Variants in NTNG2 observed in about 807,000 individuals in gnomAD.
NTNG2 encodes netrin G2, also known as netrin-G2.
A neutral mutation model predicts 47.6 loss-of-function variants in NTNG2; 15 were observed. The ratio of observed to expected loss-of-function variants is 0.32; its 90% CI spans 0.21 to 0.49. NTNG2 has a LOEUF of 0.49. Ranked by LOEUF, NTNG2 falls within the 20% of genes least tolerant of loss-of-function variation. NTNG2 has a pLI of 0.99. For missense variants in NTNG2, 578 were observed against 764.6 expected (o/e 0.76, Z 2.88); for synonymous variants, 307 against 324.6 (o/e 0.95, Z 0.58).
intron 3 of NTNG2, among the ~76,000 whole-genome samples, chr9:132,225,517 G>C (rs1313374312): frequency 6.6e-6 from 1 of 152,114 alleles, no homozygotes; most frequent in Non-Finnish European, 1.5e-5. Context: ...TGATCCTCCT[G>C]CGTCAGCCTC....
chr9:132,240,690 G>T, intron 6 of NTNG2: 3 of 635,768 alleles, frequency 4.7e-6, no homozygotes, highest in Non-Finnish European at 5.4e-6. Flanking sequence ...GGGCTGGGAC[G>T]TGTTTGATCC....
At chr9:132,202,873 G>C (rs995932779) in intron 3 of NTNG2, among the ~76,000 whole-genome samples, 1 of 152,196 alleles carries the variant, frequency 6.6e-6, no homozygotes, top group Non-Finnish European at 1.5e-5. Flanking sequence ...GGAAGCTGCT[G>C]CATCCATGGA....
At position 132,216,412 on chromosome 9, in the gene NTNG2, CTCTG is replaced by C. The variant is rs879413638; in HGVS notation, c.858-10435_858-10432del. 8.9e-3 allele frequency among the ~76,000 whole-genome samples: 814 copies of C among 91,094 alleles called. 7 individuals are homozygous for C. Among genetic ancestry groups the C allele is most frequent in the Middle Eastern group, 0.01 (2 of 192 alleles). The allele number at this position is 91,094 out of a possible 152,430, so 59.8% of individuals were successfully genotyped here. A position where few individuals can be genotyped will look rare whatever the true frequency, so the allele number is the denominator to read the frequency against. ...TCTCTCTCTCTCTCTCTCTCTCTCT[CTCTG>C]TGTGTGTGTGTATGTGTGTGTGTGT... On this transcript the variant is annotated intron_variant, in intron 3 of 7. Transcript: ENST00000393229.
In NTNG2 at chr9:132,219,585, AAAAG is replaced by A. The variant is rs1554791337; in HGVS notation, c.858-7244_858-7241del. 4.0e-3 allele frequency among the ~76,000 whole-genome samples: 593 copies of A among 146,574 alleles called. 41 individuals are homozygous for A. The highest frequency in any genetic ancestry group is 7.3e-3 in the Middle Eastern group (2 of 274). On this transcript the variant is annotated intron_variant, in intron 3 of 7. Transcript: ENST00000393229. Reference sequence around the variant, plus strand: ...AAGACTCTGTCTCAAAAAAAAAAAAAAAAGAAAGAAAGAAAGAAAGAAATTATAC... The same window carrying A: ...AAGACTCTGTCTCAAAAAAAAAAAAAAAAGAAAGAAAGAAAGAAATTATAC...
chr9:132,184,822 T>C (rs566558960), intron 2 of NTNG2, among the ~76,000 whole-genome samples: 10 of 152,286 alleles, frequency 6.6e-5, no homozygotes, highest in Admixed American at 2.0e-4. Context: ...CTTGGGAGGC[T>C]GAGGTAGGAG....
At chr9:132,239,030 C>A in intron 5 of NTNG2, 74 bp from the exon 6 acceptor site, 1 of 1,480,898 alleles carries the variant, frequency 6.8e-7, no homozygotes, top group Non-Finnish European at 9.4e-7. Context: ...TGGGGTGAGT[C>A]CTTCCTCGCC....
rs191722166 is a variant in NTNG2 at position 132,182,349 on chromosome 9, C to T, written c.213+15305C>T. Among the ~76,000 whole-genome samples the T allele has an allele frequency of 3.3e-5, 5 of 152,280 alleles. No individual in the cohort carries two copies. Among genetic ancestry groups the T allele is most frequent in the Non-Finnish European group, 5.9e-5 (4 of 68,014 alleles). On this transcript the variant is annotated intron_variant, in intron 2 of 7. Transcript: ENST00000393229. This position sits in a 1 kb window ranked among gnomAD's most constrained non-coding sequence, Gnocchi z 4.2. The stretch of plus-strand genomic sequence containing the variant: ...GAGTGTGCTGTCTGCCAAGGGAGGG[C>T]TCCAGGCCTGTCTGCTTGGCACGGG...
intron 2 of NTNG2, among the ~76,000 whole-genome samples, chr9:132,176,749 C>A (rs1432667245): frequency 1.3e-5 from 2 of 152,182 alleles, no homozygotes; most frequent in Non-Finnish European, 2.9e-5. Context: ...CTATGTGTAA[C>A]TTTTTGGGGA....
At chr9:132,187,253 G>C (rs1416556160) in intron 2 of NTNG2, among the ~76,000 whole-genome samples, 1 of 152,234 alleles carries the variant, frequency 6.6e-6, no homozygotes, top group Non-Finnish European at 1.5e-5. Context: ...AGGCTCGCTT[G>C]CCTGCCCCTG....
rs1840831473 is a variant in NTNG2, at chr9:132,227,175, G to A, written c.1030+154G>A. ...CAAACGTGCACACAGAAACATACGA[G>A]CATGCATGCACAGGCATGGGCACAC... On this transcript the variant is annotated intron_variant, in intron 4 of 7. Coordinates refer to ENST00000393229, the MANE Select transcript of NTNG2 (RefSeq NM_032536.4). The A allele has an allele frequency of 6.9e-6, 6 of 870,556 alleles. No homozygotes were observed. The Admixed American group carries it at 9.8e-5, about 14-fold the overall frequency. 53.9% of individuals were successfully genotyped at this position (870,556 alleles called of 1,614,324 possible).
chr9:132,170,010 ACTGCCCC>A (rs1241344690), intron 2 of NTNG2, among the ~76,000 whole-genome samples: 1 of 152,188 alleles, frequency 6.6e-6, no homozygotes, highest in Non-Finnish European at 1.5e-5. Context: ...CCAGATGCCC[ACTGCCCC>A]CTTAGCCTTG....
At chr9:132,170,515 G>T (rs1367417036) in intron 2 of NTNG2, among the ~76,000 whole-genome samples, 2 of 152,226 alleles carry the variant, frequency 1.3e-5, no homozygotes, top group Non-Finnish European at 2.9e-5. Flanking sequence ...GCCCCTCACA[G>T]GGCAACTGCT....
chr9:132,223,870 T>A (rs980021343), intron 3 of NTNG2, among the ~76,000 whole-genome samples: 1 of 152,068 alleles, frequency 6.6e-6, no homozygotes. Context: ...GTCAAAGGCT[T>A]GCAGAGTAAA....
At position 132,214,744 on chromosome 9, in the gene NTNG2, T is replaced by C. The variant is rs370559178; in HGVS notation, c.858-12105T>C. 9.2e-5 allele frequency among the ~76,000 whole-genome samples: 14 copies of C among 152,280 alleles called. No homozygotes were observed. In the South Asian group the frequency reaches 2.9e-3, roughly 32 times the overall value. On this transcript the variant is annotated intron_variant, in intron 3 of 7. Coordinates refer to ENST00000393229, the MANE Select transcript of NTNG2 (RefSeq NM_032536.4). ...TGGGCCTGCCAGATGAAATACGGGATACCCAGTTAAACCTGAATTTCAGAT... is the reference window on the plus strand; with the variant it reads ...TGGGCCTGCCAGATGAAATACGGGACACCCAGTTAAACCTGAATTTCAGAT...
intron 4 of NTNG2, among the ~76,000 whole-genome samples, chr9:132,228,733 T>G (rs1175336750): frequency 6.6e-6 from 1 of 152,150 alleles, no homozygotes; most frequent in Non-Finnish European, 1.5e-5. Flanking sequence ...AATTTTCGTG[T>G]TTTTTTCAGA....
At chr9:132,230,490 C>A in intron 4 of NTNG2, 82 bp from the exon 5 acceptor site, 1 of 1,354,514 alleles carries the variant, frequency 7.4e-7, no homozygotes. Flanking sequence ...TGCTCCCCTG[C>A]CCTGCTGGCC....
chr9:132,213,544 G>A (rs775981811), intron 3 of NTNG2, among the ~76,000 whole-genome samples: 7 of 152,084 alleles, frequency 4.6e-5, no homozygotes, highest in Non-Finnish European at 8.8e-5. Context: ...AGCTCTGTGA[G>A]TCCTCAGAAA....
intron 2 of NTNG2, among the ~76,000 whole-genome samples, chr9:132,173,976 A>G (rs7857322): frequency 0.43 from 50,565 of 118,706 alleles, 11,454 homozygotes; most frequent in African/African-American, 0.61. Flanking sequence ...ACAGACGAAC[A>G]GACAGGCAGG....
intron 2 of NTNG2, among the ~76,000 whole-genome samples, chr9:132,193,670 T>C (rs73561564): frequency 1.5e-3 from 232 of 152,266 alleles, no homozygotes; most frequent in African/African-American, 5.2e-3. Context: ...AAACTCCCAA[T>C]TCGTCTCTAC....
Sources: gnomAD v4.1 joint callset for allele counts (sites outside exome capture counted in the v4.1 genomes callset) on GRCh38, gnomAD v4.1.1 for gene constraint, Gnocchi (gnomAD v3.1) non-coding constraint, MANE v1.5 for transcripts, NCBI Gene and HGNC (gene_info 2026-07-23, HGNC 2026-07-21) for gene names.